The following GPHN variants were observed in gnomAD, a reference collection of about 807,000 sequenced individuals.
GPHN encodes gephyrin.
GPHN carries 17 observed loss-of-function variants against 95.5 expected under a neutral mutation model. The ratio of observed to expected loss-of-function variants is 0.18; its 90% CI spans 0.12 to 0.27. The LOEUF is 0.27. GPHN is among the 10% of genes least tolerant of loss of function. The pLI is 1.00. For missense variants in GPHN, 660 were observed against 978.1 expected (o/e 0.67, Z 4.34); for synonymous variants, 320 against 322.5 (o/e 0.99, Z 0.08).
intron 9 of GPHN, among the ~76,000 whole-genome samples, chr14:67,015,612 G>A (rs532139281): frequency 6.6e-5 from 10 of 152,180 alleles, no homozygotes; most frequent in Middle Eastern, 6.8e-3. Context: ...CAGGAGAGTT[G>A]CTTGAACCTG....
the GPHN span, among the ~76,000 whole-genome samples, chr14:67,243,293 TCTC>T: frequency 1.3e-5 from 2 of 151,590 alleles, no homozygotes; most frequent in African/African-American, 4.9e-5. Flanking sequence ...TTCAAGTGAT[TCTC>T]CTGCTCTCAG....
chr14:67,720,435 T>C, the GPHN span, among the ~76,000 whole-genome samples: 3 of 152,248 alleles, frequency 2.0e-5, no homozygotes, highest in Non-Finnish European at 4.4e-5. Context: ...TCTAAAAATG[T>C]GTCCAGTGGT....
chr14:67,154,579 T>A (rs2081473137), intron 18 of GPHN, among the ~76,000 whole-genome samples: 1 of 152,058 alleles, frequency 6.6e-6, no homozygotes, highest in Admixed American at 6.6e-5. Flanking sequence ...GAAAGGTGTA[T>A]GCTATTCATT....
chr14:66,580,880 C>A (rs1329813907), intron 1 of GPHN, among the ~76,000 whole-genome samples: 2 of 151,578 alleles, frequency 1.3e-5, no homozygotes. Flanking sequence ...AAAATGCAGG[C>A]CAATATTGTT....
intron 19 of GPHN, among the ~76,000 whole-genome samples, chr14:67,162,209 A>C (rs940212625): frequency 1.3e-5 from 2 of 152,250 alleles, no homozygotes; most frequent in South Asian, 2.1e-4. Context: ...TGCAAGATGC[A>C]AAAGATTGCT....
At chr14:67,286,754 A>G in the GPHN span, among the ~76,000 whole-genome samples, 1 of 147,126 alleles carries the variant, frequency 6.8e-6, no homozygotes, top group African/African-American at 2.5e-5. Context: ...GCTACTTGGG[A>G]GGCTAGGTGG....
the GPHN span, among the ~76,000 whole-genome samples, chr14:67,681,527 A>C: frequency 2.6e-5 from 4 of 152,228 alleles, no homozygotes; most frequent in African/African-American, 4.8e-5. Flanking sequence ...TCATGCCTAT[A>C]ATCCCAGCAC....
At chr14:67,227,117 C>G in the GPHN span, among the ~76,000 whole-genome samples, 1 of 152,084 alleles carries the variant, frequency 6.6e-6, no homozygotes, top group Admixed American at 6.6e-5. Context: ...AAAAATTATA[C>G]CATACTTAAA....
In GPHN at chr14:66,783,092, G is replaced by A. The variant is rs541092095; in HGVS notation, c.201+6571G>A. 2.0e-5 allele frequency among the ~76,000 whole-genome samples: 3 copies of A among 152,256 alleles called. No individual in the cohort carries two copies. In the South Asian group the frequency reaches 6.2e-4, roughly 32 times the overall value. On this transcript the variant is annotated intron_variant, in intron 3 of 22. Transcript: ENST00000478722. ...CCTGTTTGTCTAGCCAACAGACAAG[G>A]ACAAGGGTCACCTAAGAGGCAAGAA...
At chr14:67,489,370 G>A in the GPHN span, among the ~76,000 whole-genome samples, 127 of 152,122 alleles carry the variant, frequency 8.3e-4, 1 homozygote, top group Non-Finnish European at 4.4e-5. Context: ...TGCATGCAAG[G>A]GTCTTCAAGT....
the GPHN span, among the ~76,000 whole-genome samples, chr14:67,537,889 T>A: frequency 2.0e-5 from 3 of 152,078 alleles, no homozygotes; most frequent in Non-Finnish European, 4.4e-5. Context: ...GTCCCGGGTG[T>A]TGGAGGATTC....
chr14:67,619,283 G>C, the GPHN span, among the ~76,000 whole-genome samples: 1 of 152,236 alleles, frequency 6.6e-6, no homozygotes, highest in Admixed American at 6.5e-5. Flanking sequence ...CCGTTATTCA[G>C]GTAAAGAATT....
chr14:66,524,388 G>A (rs751480497), intron 1 of GPHN, among the ~76,000 whole-genome samples: 23 of 151,858 alleles, frequency 1.5e-4, no homozygotes, highest in Non-Finnish European at 2.9e-4. Flanking sequence ...TGTATAAAAG[G>A]GAAAAGATAC....
chr14:67,324,560 T>C, the GPHN span, among the ~76,000 whole-genome samples: 5 of 151,744 alleles, frequency 3.3e-5, no homozygotes, highest in African/African-American at 1.2e-4. Context: ...TTTCTTTTGA[T>C]TGTTTTTTTT....
chr14:67,697,601 A>G, the GPHN span, among the ~76,000 whole-genome samples: 3 of 152,322 alleles, frequency 2.0e-5, no homozygotes, highest in East Asian at 3.9e-4. Flanking sequence ...AATTTTCCCT[A>G]TTTTACAGAC....
intron 1 of GPHN, among the ~76,000 whole-genome samples, chr14:66,560,122 A>G (rs906165724): frequency 4.6e-5 from 7 of 152,238 alleles, no homozygotes; most frequent in East Asian, 1.9e-4. Context: ...TACCAGTACC[A>G]TGCTGTTTTG....
chr14:66,573,718 G>C (rs980201620), intron 1 of GPHN, among the ~76,000 whole-genome samples: 1 of 152,036 alleles, frequency 6.6e-6, no homozygotes, highest in Non-Finnish European at 1.5e-5. Context: ...CCCTCCCAAA[G>C]TGCTGGGATT....
the GPHN span, among the ~76,000 whole-genome samples, chr14:67,274,879 T>A: frequency 0.019 from 2,958 of 152,080 alleles, 40 homozygotes; most frequent in Middle Eastern, 0.034. Context: ...ATTCTCTTTG[T>A]AGCAATTGTG....
At chr14:66,592,116 C>G (rs899399484) in intron 1 of GPHN, among the ~76,000 whole-genome samples, 1 of 152,148 alleles carries the variant, frequency 6.6e-6, no homozygotes, top group African/African-American at 2.4e-5. Context: ...AAAAGTGAAA[C>G]TAGACTCCTT....
Sources: gnomAD v4.1 joint callset for allele counts (sites outside exome capture counted in the v4.1 genomes callset) on GRCh38, gnomAD v4.1.1 for gene constraint, MANE v1.5 for transcripts, NCBI Gene and HGNC (gene_info 2026-07-23, HGNC 2026-07-21) for gene names.